Variants in MARCHF3 observed in about 807,000 individuals in gnomAD.
The protein encoded by MARCHF3 is E3 ubiquitin-protein ligase MARCHF3.
A neutral mutation model predicts 24.2 loss-of-function variants in MARCHF3; 13 were observed. That is an observed-to-expected ratio of 0.54 (90% confidence interval 0.35 to 0.85). The LOEUF is 0.85. Ranked by LOEUF, MARCHF3 falls within the 40% of genes least tolerant of loss-of-function variation. MARCHF3 has a pLI of 0.01. For synonymous variants in MARCHF3, 144 were observed against 137.3 expected (o/e 1.05, Z -0.34); for missense variants, 276 against 325.0 (o/e 0.85, Z 1.16).
chr5:126,998,688 G>A (rs1299676068), intron 1 of MARCHF3, among the ~76,000 whole-genome samples: 1 of 152,136 alleles, frequency 6.6e-6, no homozygotes, highest in African/African-American at 2.4e-5. Flanking sequence ...TTCCCAGGTA[G>A]CCCACAGATG....
At chr5:126,899,472 T>G (rs1038091209) in intron 3 of MARCHF3, among the ~76,000 whole-genome samples, 5 of 152,006 alleles carry the variant, frequency 3.3e-5, no homozygotes, top group African/African-American at 1.2e-4. Context: ...GAGGGAAAGG[T>G]TTCTGACAAT....
intron 1 of MARCHF3, among the ~76,000 whole-genome samples, chr5:126,964,739 G>A (rs981546733): frequency 1.3e-5 from 2 of 152,154 alleles, no homozygotes; most frequent in African/African-American, 4.8e-5. Flanking sequence ...GAGCATATGG[G>A]AGGTCAACGC....
At chr5:126,939,292 C>A (rs1255413213) in intron 1 of MARCHF3, among the ~76,000 whole-genome samples, 1 of 152,182 alleles carries the variant, frequency 6.6e-6, no homozygotes, top group East Asian at 1.9e-4. Context: ...CCTCTTCATG[C>A]CCTTTCATTT....
At chr5:126,965,765 G>C (rs952159592) in intron 1 of MARCHF3, among the ~76,000 whole-genome samples, 1 of 152,132 alleles carries the variant, frequency 6.6e-6, no homozygotes, top group African/African-American at 2.4e-5. Context: ...GATTTTAAGT[G>C]GTACTGTTGT....
At chr5:127,004,375 T>C (rs1463728303) in intron 1 of MARCHF3, among the ~76,000 whole-genome samples, 1 of 152,114 alleles carries the variant, frequency 6.6e-6, no homozygotes, top group Non-Finnish European at 1.5e-5. Context: ...CTGATACTTG[T>C]AGAAAAAAAC....
intron 3 of MARCHF3, among the ~76,000 whole-genome samples, chr5:126,895,010 T>C (rs1228287559): frequency 1.3e-5 from 2 of 152,106 alleles, no homozygotes; most frequent in Non-Finnish European, 2.9e-5. Context: ...TGCTTCTTTC[T>C]TTTTATTCTT....
intron 3 of MARCHF3, among the ~76,000 whole-genome samples, chr5:126,894,787 C>G (rs535136617): frequency 5.9e-5 from 9 of 152,026 alleles, no homozygotes; most frequent in African/African-American, 2.2e-4. Context: ...AATTATGTGT[C>G]TTGGAGTTGC....
At chr5:126,930,114 C>T (rs968390390) in intron 1 of MARCHF3, among the ~76,000 whole-genome samples, 4 of 152,054 alleles carry the variant, frequency 2.6e-5, no homozygotes, top group Admixed American at 1.3e-4. Flanking sequence ...AAAAGTCAGA[C>T]CACTACTACA....
At chr5:126,928,842 T>G (rs1232248485) in intron 1 of MARCHF3, among the ~76,000 whole-genome samples, 1 of 152,202 alleles carries the variant, frequency 6.6e-6, no homozygotes, top group Non-Finnish European at 1.5e-5. Context: ...TATTATGATT[T>G]TAAAGTAAAT....
In MARCHF3 at chr5:126,918,142, G is replaced by C. The variant is rs150978557; in HGVS notation, c.30C>G (p.Pro10=). MTTSRCSHL[P]EVLPDCTSSA... Reference sequence around the variant, plus strand: ...AGCTGGTGCAGTCTGGCAGGACTTCGGGCAGGTGACTGCAGCGGCTGGTTG... The same window carrying C: ...AGCTGGTGCAGTCTGGCAGGACTTCCGGCAGGTGACTGCAGCGGCTGGTTG... Residue 10 remains proline (P), a synonymous_variant, in exon 2 of 5, where the codon CCC becomes CCG. Transcript: ENST00000308660. The C allele has an allele frequency of 3.1e-5, 50 of 1,613,698 alleles. 1 individual carries two copies. The East Asian group carries it at 7.4e-4, about 24-fold the overall frequency.
intron 3 of MARCHF3, among the ~76,000 whole-genome samples, chr5:126,909,692 C>G (rs1012799186): frequency 1.3e-5 from 2 of 152,196 alleles, no homozygotes; most frequent in Admixed American, 1.3e-4. Flanking sequence ...CCCGCACCCA[C>G]TGACCTGGGC....
chr5:126,913,502 C>T (rs1754610074), intron 3 of MARCHF3, among the ~76,000 whole-genome samples: 1 of 152,216 alleles, frequency 6.6e-6, no homozygotes. Flanking sequence ...ATGAATCTGG[C>T]ACAAGGCCAA....
intron 1 of MARCHF3, among the ~76,000 whole-genome samples, chr5:126,993,011 A>T (rs987171972): frequency 6.6e-6 from 1 of 152,080 alleles, no homozygotes; most frequent in African/African-American, 2.4e-5. Flanking sequence ...TGACCTCGTG[A>T]TCCGTCCGCC....
intron 1 of MARCHF3, among the ~76,000 whole-genome samples, chr5:126,991,399 GGGGT>G (rs1751755676): frequency 6.6e-6 from 1 of 152,178 alleles, no homozygotes; most frequent in African/African-American, 2.4e-5. Flanking sequence ...GGCCTGTTAG[GGGGT>G]GGGAGTCTAG....
At chr5:126,900,468 A>T (rs1754067009) in intron 3 of MARCHF3, among the ~76,000 whole-genome samples, 6 of 152,054 alleles carry the variant, frequency 3.9e-5, no homozygotes, top group Non-Finnish European at 8.8e-5. Context: ...CTACCATGTG[A>T]GGACATAGAC....
intron 1 of MARCHF3, among the ~76,000 whole-genome samples, chr5:127,007,789 G>A (rs1752355937): frequency 6.6e-6 from 1 of 152,024 alleles, no homozygotes; most frequent in South Asian, 2.1e-4. Flanking sequence ...ACTTTTGTCA[G>A]AATTCTTTTT....
At chr5:126,920,315 T>C (rs1233249205) in intron 1 of MARCHF3, among the ~76,000 whole-genome samples, 1 of 152,166 alleles carries the variant, frequency 6.6e-6, no homozygotes, top group Non-Finnish European at 1.5e-5. Flanking sequence ...CGTCCTCTTC[T>C]AAAACTGTGC....
intron 3 of MARCHF3, among the ~76,000 whole-genome samples, chr5:126,884,738 G>C (rs1753452018): frequency 6.6e-6 from 1 of 152,138 alleles, no homozygotes; most frequent in Non-Finnish European, 1.5e-5. Flanking sequence ...GCTTCTCTCT[G>C]CCCCACTACT....
chr5:127,015,140 C>T (rs1752597824), intron 1 of MARCHF3, among the ~76,000 whole-genome samples: 1 of 152,082 alleles, frequency 6.6e-6, no homozygotes, highest in Non-Finnish European at 1.5e-5. Context: ...TGAGAAATTA[C>T]TTTCAAATAC....
Sources: gnomAD v4.1 joint callset for allele counts (sites outside exome capture counted in the v4.1 genomes callset) on GRCh38, gnomAD v4.1.1 for gene constraint, MANE v1.5 for transcripts, NCBI Gene and HGNC (gene_info 2026-07-23, HGNC 2026-07-21) for gene names.